The following XBP1 variants were observed in gnomAD, a reference collection of about 807,000 sequenced individuals.
XBP1 encodes X-box-binding protein 1.
A neutral mutation model predicts 34.6 loss-of-function variants in XBP1; 18 were observed. The observed-to-expected ratio is 0.52, with a 90% CI of 0.36 to 0.77. The LOEUF (loss-of-function observed/expected upper bound fraction) is 0.77. Ranked by LOEUF, XBP1 falls within the 30% of genes least tolerant of loss-of-function variation. The probability of loss-of-function intolerance (pLI) is 0.00; values close to 1 mark genes in which losing one functional copy is unlikely to be tolerated. For missense variants in XBP1, 422 were observed against 464.6 expected (o/e 0.91, Z 0.84); for synonymous variants, 191 against 193.4 (o/e 0.99, Z 0.11).
intron 2 of XBP1, among the ~76,000 whole-genome samples, chr22:28,797,538 T>C (rs1343588648): frequency 6.6e-6 from 1 of 152,034 alleles, no homozygotes; most frequent in Admixed American, 6.5e-5. Flanking sequence ...CCTAACACTT[T>C]GGGAGGCCAA....
chr22:28,798,931 T>TTTA (rs1208200123), intron 2 of XBP1, 126 bp downstream of exon 2: 8 of 749,828 alleles, frequency 1.1e-5, no homozygotes, highest in African/African-American at 1.8e-5. Flanking sequence ...TAGTTTAACT[T>TTTA]TTAATCATAT....
chr22:28,796,921 G>T, intron 3 of XBP1, 156 bp downstream of exon 3: 2 of 874,812 alleles, frequency 2.3e-6, no homozygotes, highest in East Asian at 2.8e-5. Context: ...AGTGCCTTTA[G>T]GGGAAGAACA....
intron 3 of XBP1, chr22:28,796,798 G>T: frequency 8.3e-6 from 2 of 239,848 alleles, no homozygotes; most frequent in South Asian, 1.1e-4. Flanking sequence ...ATGATTGCAT[G>T]GTAATCTTGT....
intron 5 of XBP1, 47 bp downstream of exon 5, chr22:28,796,000 G>T (rs375039055): frequency 4.0e-5 from 65 of 1,609,110 alleles, no homozygotes; most frequent in Non-Finnish European, 4.9e-5. Flanking sequence ...CAAACAGATG[G>T]AATTAACTGG....
intron 2 of XBP1, among the ~76,000 whole-genome samples, chr22:28,797,826 A>G (rs2031777820): frequency 6.6e-6 from 1 of 151,452 alleles, no homozygotes; most frequent in Non-Finnish European, 1.5e-5. Flanking sequence ...ATATAAAATA[A>G]AAATAAATAA....
Position 28,798,302 on chromosome 22 carries a change from C to CTTTTTTTTTT in XBP1, c.324+745_324+754dup, listed in dbSNP as rs71316865. Among the ~76,000 whole-genome samples the CTTTTTTTTTT allele has an allele frequency of 1.6e-3, 194 of 123,362 alleles. 10 individuals carry two copies. The highest frequency in any genetic ancestry group is 4.5e-3 in the African/African-American group (136 of 30,224). The allele number at this position is 123,362 out of a possible 152,430, so 80.9% of individuals were successfully genotyped here. Reference sequence around the variant, plus strand: ...AACTCTCTGTCCTAACTTAGATTAACTTTTTTTTTTTTTTTGAGACAGGGT... The same window carrying CTTTTTTTTTT: ...AACTCTCTGTCCTAACTTAGATTAACTTTTTTTTTTTTTTTTTTTTTTTTTGAGACAGGGT... On this transcript the variant is annotated intron_variant, in intron 2 of 5. Transcript: ENST00000344347.
intron 1 of XBP1, 48 bp downstream of exon 1, chr22:28,800,250 C>T (rs2146268395): frequency 1.3e-6 from 2 of 1,540,664 alleles, no homozygotes; most frequent in East Asian, 5.0e-5. Context: ...TGCCCCTGTC[C>T]CTAGTCCCGG....
exon 1 of XBP1, chr22:28,800,353 C>T: frequency 6.5e-7 from 1 of 1,547,352 alleles, no homozygotes; most frequent in Non-Finnish European, 8.7e-7. Context: ...CGCTTGCGCG[C>T]CTGGGGCAGC....
intron 1 of XBP1, 161 bp downstream of exon 1, chr22:28,800,137 T>TCCTGC: frequency 2.3e-6 from 2 of 853,244 alleles, no homozygotes; most frequent in Non-Finnish European, 3.7e-6. Context: ...AGTCCGGGCT[T>TCCTGC]CCTGCCCCGC....
At chr22:28,795,482 T>C in exon 6 of XBP1, 1 of 1,614,094 alleles carries the variant, frequency 6.2e-7, no homozygotes, top group African/African-American at 1.3e-5. Flanking sequence ...CACATTAGCT[T>C]GGCTCTCTGT....
At chr22:28,795,365 A>C (rs1193665740) in exon 6 of XBP1, 1 of 1,552,264 alleles carries the variant, frequency 6.4e-7, no homozygotes, top group Non-Finnish European at 8.7e-7. Context: ...TGAGATACCC[A>C]GCTCCGGAAC....
exon 6 of XBP1, chr22:28,795,572 G>A (rs1226147817): frequency 1.2e-6 from 2 of 1,614,044 alleles, no homozygotes; most frequent in South Asian, 1.1e-5. Flanking sequence ...TTCCAGCTTG[G>A]CTGATGACGT....
intron 3 of XBP1, 39 bp downstream of exon 3, chr22:28,797,038 A>C: frequency 6.4e-7 from 1 of 1,574,206 alleles, no homozygotes; most frequent in Non-Finnish European, 8.6e-7. Context: ...ACTTGGAACC[A>C]GTACTCACAT....
At chr22:28,798,768 C>CT (rs71196604) in intron 2 of XBP1, 4,544 of 125,248 alleles carry the variant, frequency 0.036, 212 homozygotes, top group African/African-American at 0.089. Context: ...CACGCTTGGC[C>CT]TTTTTTTTTT....
Position 28,797,206 on chromosome 22 carries a change from C to G in XBP1, c.325-1G>C. ...GATTTTCTAGCAAAAGTTTTTGGTT[C>G]TGGAAGAAAGTTCATAAGAGGCTAT... is the stretch of plus-strand genomic sequence containing the variant. On this transcript the variant is annotated splice_acceptor_variant, in intron 2 of 5. Transcript: ENST00000344347. LOFTEE classifies it high-confidence loss of function. 1 of 1,612,242 alleles carries G rather than the reference C, an allele frequency of 6.2e-7. No homozygotes were observed. Among genetic ancestry groups the G allele is most frequent in the Non-Finnish European group, 8.5e-7 (1 of 1,179,524 alleles).
chr22:28,796,054 T>C, exon 5 of XBP1: 1 of 1,614,200 alleles, frequency 6.2e-7, no homozygotes, highest in South Asian at 1.1e-5. Context: ...TACCTCTGAA[T>C]CTGAAGAGTC....
At chr22:28,795,552 C>T (rs2031732551) in exon 6 of XBP1, 4 of 1,614,144 alleles carry the variant, frequency 2.5e-6, no homozygotes, top group African/African-American at 1.3e-5. Context: ...CGAATTAGTT[C>T]ATTAATGGCT....
exon 1 of XBP1, chr22:28,800,327 G>A (rs1004370332): frequency 1.5e-5 from 23 of 1,552,924 alleles, no homozygotes; most frequent in Non-Finnish European, 1.9e-5. Flanking sequence ...CGGGGCTCAG[G>A]TGCGTGAGGC....
At chr22:28,795,282 C>T (rs886591651) in exon 6 of XBP1, 22 of 1,551,756 alleles carry the variant, frequency 1.4e-5, no homozygotes, top group East Asian at 2.4e-5. Context: ...AGGGAACCCC[C>T]GTATCCACAG....
Sources: allele counts gnomAD v4.1 joint callset (sites outside exome capture counted in the v4.1 genomes callset), GRCh38; gene constraint gnomAD v4.1.1; transcripts MANE v1.5; gene names NCBI Gene and HGNC (gene_info 2026-07-23, HGNC 2026-07-21).